COL6A6: variants seen among roughly 807,000 people sequenced by gnomAD.
COL6A6 encodes collagen alpha-6(VI) chain.
COL6A6 carries 183 observed loss-of-function variants against 208.6 expected under a neutral mutation model. The observed-to-expected ratio is 0.88, with a 90% CI of 0.78 to 0.99. The LOEUF is 0.99. COL6A6 is among the 50% of genes least tolerant of loss of function. The pLI is 0.00. For synonymous variants in COL6A6, 973 were observed against 1,011.8 expected, an observed-to-expected ratio of 0.96 and a Z score of 0.73; for missense variants, 2,816 against 2,815.2, an observed-to-expected ratio of 1.00 and a Z score of -0.01.
Position 130,568,043 on chromosome 3 carries a change from G to C in COL6A6, c.1844-4G>C. 1 of 1,596,232 alleles carries C rather than the reference G, an allele frequency of 6.3e-7. No homozygotes were observed. The highest frequency in any genetic ancestry group is 8.5e-7 in the Non-Finnish European group (1 of 1,171,298). On this transcript the variant is annotated splice_polypyrimidine_tract_variant and splice_region_variant and intron_variant, in intron 5 of 36. Coordinates refer to ENST00000358511, the MANE Select transcript of COL6A6 (RefSeq NM_001102608.3). ...GAATAAACATCACAGTTTTTCCTAT[G>C]CAGCTTGCAAAGAGATGAAAGCTGA... is the stretch of plus-strand genomic sequence containing the variant.
chr3:130,675,260 T>C lies in COL6A6; in HGVS notation c.6655T>C (p.Phe2219Leu). ...AGAAGATGTATTACAGAAGGCAAAATTCTTTCAAGATAAAAAATATCTTTC... is the reference window on the plus strand; with the variant it reads ...AGAAGATGTATTACAGAAGGCAAAACTCTTTCAAGATAAAAAATATCTTTC... ...LKEDVLQKAK[F>L]FQDKKYLSRV... The change falls in exon 37 of 37, where the codon TTC (phenylalanine) becomes CTC (leucine). Residue 2219 changes from phenylalanine to leucine, a missense_variant. Transcript: ENST00000358511. The C allele has an allele frequency of 6.3e-7, 1 of 1,586,808 alleles. No individual in the cohort carries two copies. The highest frequency in any genetic ancestry group is 1.3e-5 in the African/African-American group (1 of 74,602).
At chr3:130,644,274 A>G (rs898692287) in intron 31 of COL6A6, among the ~76,000 whole-genome samples, 1 of 152,260 alleles carries the variant, frequency 6.6e-6, no homozygotes, top group Admixed American at 6.5e-5. Context: ...AGTCTAAAGC[A>G]GCATTGTCCA....
rs769140737 is a variant in COL6A6 at position 130,568,413 on chromosome 3, T to C, written c.2210T>C (p.Ile737Thr). 2 of 1,613,906 alleles carry C rather than the reference T, an allele frequency of 1.2e-6. No individual in the cohort carries two copies. Among genetic ancestry groups the C allele is most frequent in the East Asian group, 2.2e-5 (1 of 44,884 alleles). Residue 737 changes from isoleucine to threonine, a missense_variant, in exon 6 of 37, where the codon ATA becomes ACA. Physicochemically the swap from Ile to Thr is moderately conservative, Grantham distance 89. Transcript: ENST00000358511. ...ATCACGGATGGTGAAGCTCAGGACA[T>C]AGTAAAGGAACCAGCAGTAGTGCTT... is the stretch of plus-strand genomic sequence containing the variant. ...ILITDGEAQDIVKEPAVVLRQ... is the reference protein window; with the variant it reads ...ILITDGEAQDTVKEPAVVLRQ...
chr3:130,661,523 T>G, intron 34 of COL6A6, 114 bp from the exon 35 acceptor site: 4 of 781,396 alleles, frequency 5.1e-6, no homozygotes, highest in Non-Finnish European at 8.1e-6. Flanking sequence ...TTAAAGTATT[T>G]AGTCACTATT....
At position 130,675,258 on chromosome 3, in the gene COL6A6, A is replaced by G. The variant is rs757771971; in HGVS notation, c.6653A>G (p.Lys2218Arg). ...TLKEDVLQKAKFFQDKKYLSR... is the reference protein window; with the variant it reads ...TLKEDVLQKARFFQDKKYLSR... ...AAAGAAGATGTATTACAGAAGGCAAAATTCTTTCAAGATAAAAAATATCTT... is the reference window on the plus strand; with the variant it reads ...AAAGAAGATGTATTACAGAAGGCAAGATTCTTTCAAGATAAAAAATATCTT... The change falls in exon 37 of 37, where the codon AAA becomes AGA. Residue 2218 changes from lysine (K) to arginine (R), a missense_variant. Physicochemically the swap from Lys to Arg is conservative, Grantham distance 26. Coordinates refer to ENST00000358511, the MANE Select transcript of COL6A6 (RefSeq NM_001102608.3). 7.6e-6 allele frequency: 12 copies of G among 1,586,682 alleles called. No homozygotes were observed. The highest frequency in any genetic ancestry group is 1.3e-5 in the African/African-American group (1 of 74,586).
chr3:130,590,772 TTA>T (rs1462128820), intron 12 of COL6A6, among the ~76,000 whole-genome samples: 1 of 151,686 alleles, frequency 6.6e-6, no homozygotes, highest in Non-Finnish European at 1.5e-5. Context: ...TTTCACCGTG[TTA>T]GCCAGGATGG....
chr3:130,584,311 A>G (rs1320102300), intron 10 of COL6A6, among the ~76,000 whole-genome samples: 1 of 152,188 alleles, frequency 6.6e-6, no homozygotes, highest in Non-Finnish European at 1.5e-5. Context: ...TGGGTATTAT[A>G]AGAAAAATCA....
chr3:130,647,451 C>CT (rs1257691523), intron 32 of COL6A6, among the ~76,000 whole-genome samples: 1 of 152,140 alleles, frequency 6.6e-6, no homozygotes, highest in Non-Finnish European at 1.5e-5. Context: ...GTTCTACTGA[C>CT]TTTTTTAAAC....
intron 36 of COL6A6, among the ~76,000 whole-genome samples, chr3:130,668,339 G>A (rs1360953208): frequency 6.6e-6 from 1 of 151,970 alleles, no homozygotes; most frequent in African/African-American, 2.4e-5. Context: ...TTAGCTGGGC[G>A]TGGTGGCGGG....
intron 24 of COL6A6, among the ~76,000 whole-genome samples, chr3:130,622,176 A>G (rs1157725122): frequency 2.0e-5 from 3 of 148,470 alleles, no homozygotes; most frequent in African/African-American, 5.0e-5. Context: ...CTCTCTTCCA[A>G]TCTCTCTTAA....
intron 10 of COL6A6, among the ~76,000 whole-genome samples, chr3:130,583,596 G>C (rs1162198795): frequency 1.3e-5 from 2 of 152,144 alleles, no homozygotes; most frequent in Non-Finnish European, 2.9e-5. Flanking sequence ...CAGATATTTA[G>C]ATTCTTCCAA....
intron 1 of COL6A6, among the ~76,000 whole-genome samples, chr3:130,553,501 A>C (rs910799626): frequency 2.6e-5 from 4 of 152,168 alleles, no homozygotes; most frequent in Non-Finnish European, 5.9e-5. Flanking sequence ...CTATCAGATC[A>C]GTTTGGTTCT....
At chr3:130,555,036 T>C (rs928247229) in intron 1 of COL6A6, among the ~76,000 whole-genome samples, 4 of 152,156 alleles carry the variant, frequency 2.6e-5, no homozygotes, top group Admixed American at 1.3e-4. Context: ...TGGACAATGT[T>C]GCCGTACTCT....
chr3:130,594,199 C>T (rs1408835178), intron 17 of COL6A6, 82 bp from the exon 18 acceptor site: 1 of 1,066,454 alleles, frequency 9.4e-7, no homozygotes, highest in East Asian at 2.4e-5. Context: ...ATTATTCACA[C>T]CAGGGAGAAG....
At chr3:130,664,574 G>T (rs1224630032) in intron 35 of COL6A6, among the ~76,000 whole-genome samples, 3 of 152,176 alleles carry the variant, frequency 2.0e-5, no homozygotes, top group Non-Finnish European at 4.4e-5. Flanking sequence ...CTGAACCCAA[G>T]ATGTTAGTGC....
chr3:130,547,868 G>A (rs911843357), intron 1 of COL6A6, among the ~76,000 whole-genome samples: 2 of 152,184 alleles, frequency 1.3e-5, no homozygotes, highest in East Asian at 1.9e-4. Flanking sequence ...TGCCGTCTCG[G>A]CTCGCTGCAA....
At chr3:130,623,495 G>T (rs1399818306) in intron 24 of COL6A6, among the ~76,000 whole-genome samples, 5 of 152,178 alleles carry the variant, frequency 3.3e-5, no homozygotes, top group African/African-American at 4.8e-5. Flanking sequence ...GAGAATGAAA[G>T]CTAGGAGAAC....
chr3:130,641,433 G>T (rs1474510572), intron 28 of COL6A6, among the ~76,000 whole-genome samples: 1 of 152,084 alleles, frequency 6.6e-6, no homozygotes, highest in East Asian at 1.9e-4. Context: ...AATAAGAAAA[G>T]ACATCAAAAT....
In COL6A6 at chr3:130,593,314, A is replaced by G. The variant is rs1312533404; in HGVS notation, c.4470+62A>G. ...TGGGGATTAAGGGTGTGATTAACAG[A>G]GTAGAATACTCAGTCAGCTATTGCT... is the stretch of plus-strand genomic sequence containing the variant. On this transcript the variant is annotated intron_variant, in intron 17 of 36. Transcript: ENST00000358511. The G allele has an allele frequency of 7.0e-6, 9 of 1,289,396 alleles. No homozygotes were observed. In the East Asian group the frequency reaches 2.1e-4, roughly 30 times the overall value. The allele number at this position is 1,289,396 out of a possible 1,614,324, so 79.9% of individuals were successfully genotyped here.
Sources: allele counts gnomAD v4.1 joint callset (sites outside exome capture counted in the v4.1 genomes callset), GRCh38; gene constraint gnomAD v4.1.1; transcripts MANE v1.5; gene names NCBI Gene and HGNC (gene_info 2026-07-23, HGNC 2026-07-21).